Variants in CTNNA2 observed in about 807,000 individuals in gnomAD.
CTNNA2 encodes the protein catenin alpha-2.
A neutral mutation model predicts 101.0 loss-of-function variants in CTNNA2; 42 were observed. The ratio of observed to expected loss-of-function variants is 0.42; its 90% CI spans 0.32 to 0.54. The LOEUF (loss-of-function observed/expected upper bound fraction) is 0.54. Ranked by LOEUF, CTNNA2 falls within the 20% of genes least tolerant of loss-of-function variation. CTNNA2 has a pLI of 0.14. For synonymous variants in CTNNA2, 450 were observed against 456.4 expected (o/e 0.99, Z 0.18); for missense variants, 871 against 1,223.1 (o/e 0.71, Z 4.29).
chr2:79,994,038 G>T (rs1692365023), intron 7 of CTNNA2, among the ~76,000 whole-genome samples: 1 of 152,062 alleles, frequency 6.6e-6, no homozygotes, highest in South Asian at 2.1e-4. Context: ...CTCTGGAGTA[G>T]CTGAGACCAG....
At chr2:79,407,919 G>A (rs1678358106) in intron 4 of CTNNA2, among the ~76,000 whole-genome samples, 1 of 152,046 alleles carries the variant, frequency 6.6e-6, no homozygotes, top group Non-Finnish European at 1.5e-5. Flanking sequence ...GATGTCATTT[G>A]TTATGAATCT....
At chr2:79,970,673 G>A (rs1164537101) in intron 7 of CTNNA2, among the ~76,000 whole-genome samples, 1 of 152,096 alleles carries the variant, frequency 6.6e-6, no homozygotes, top group Non-Finnish European at 1.5e-5. Context: ...ATTCTGTCGG[G>A]TATTAGATAC....
chr2:80,593,079 C>T (rs1252180529), intron 15 of CTNNA2, among the ~76,000 whole-genome samples: 1 of 152,118 alleles, frequency 6.6e-6, no homozygotes, highest in African/African-American at 2.4e-5. Context: ...ACTTGATGCT[C>T]TTTCCAAGGA....
At chr2:80,537,464 G>T (rs1691140518) in intron 9 of CTNNA2, among the ~76,000 whole-genome samples, 2 of 152,130 alleles carry the variant, frequency 1.3e-5, no homozygotes. Context: ...TGAGTCAAAT[G>T]ATATTTCTGG....
At chr2:80,139,282 A>T (rs1001115152) in intron 7 of CTNNA2, among the ~76,000 whole-genome samples, 1 of 152,148 alleles carries the variant, frequency 6.6e-6, no homozygotes, top group Admixed American at 6.6e-5. Context: ...ACCTCTTTGC[A>T]GCAAGGAGCC....
At chr2:79,294,187 AAGAG>A (rs370058263) in intron 2 of CTNNA2, among the ~76,000 whole-genome samples, 11 of 148,252 alleles carry the variant, frequency 7.4e-5, no homozygotes, top group Non-Finnish European at 1.2e-4. Context: ...GAGAGAGAGA[AAGAG>A]AGAGAGAGAG....
chr2:80,227,033 A>G (rs1708926157), intron 7 of CTNNA2, among the ~76,000 whole-genome samples: 1 of 152,222 alleles, frequency 6.6e-6, no homozygotes, highest in Admixed American at 6.5e-5. Context: ...TAGCAAATTC[A>G]TTCGCAGGAT....
chr2:79,732,660 C>T (rs56152505), intron 2 of CTNNA2, among the ~76,000 whole-genome samples: 2 of 151,994 alleles, frequency 1.3e-5, no homozygotes, highest in Non-Finnish European at 2.9e-5. Context: ...AAACAACATT[C>T]TATTTGTTAA....
In CTNNA2 at chr2:80,594,890, G is replaced by A. The variant is rs535069829; in HGVS notation, c.2189+5405G>A. On this transcript the variant is annotated intron_variant, in intron 15 of 18. Coordinates refer to ENST00000402739, the MANE Select transcript of CTNNA2 (RefSeq NM_001282597.3). ...CATTGGTCTCTATGTCTGTCTGTAT[G>A]CCAGTATGACACTATTTTGATTATA... Among the ~76,000 whole-genome samples the A allele has an allele frequency of 9.2e-5, 14 of 152,018 alleles. No homozygotes were observed. In the East Asian group the frequency reaches 2.5e-3, roughly 27 times the overall value.
At chr2:79,906,401 T>G (rs1327124753) in intron 6 of CTNNA2, among the ~76,000 whole-genome samples, 1 of 152,146 alleles carries the variant, frequency 6.6e-6, no homozygotes, top group East Asian at 1.9e-4. Flanking sequence ...GCCTTTTTTC[T>G]TTGTGCCTTT....
chr2:80,164,950 T>TTTTTTTTTTTG (rs1553461433), intron 7 of CTNNA2, among the ~76,000 whole-genome samples: 1 of 148,782 alleles, frequency 6.7e-6, no homozygotes, highest in African/African-American at 2.5e-5. Flanking sequence ...TTTTTTTTTT[T>TTTTTTTTTTTG]TTTTTTTCTA....
At chr2:79,534,426 A>T (rs888484136) in intron 1 of CTNNA2, among the ~76,000 whole-genome samples, 4 of 152,106 alleles carry the variant, frequency 2.6e-5, no homozygotes, top group Non-Finnish European at 4.4e-5. Context: ...GGATAAGTTT[A>T]TATAGCTTCC....
intron 2 of CTNNA2, among the ~76,000 whole-genome samples, chr2:79,661,108 C>T (rs1158261074): frequency 6.6e-6 from 1 of 152,154 alleles, no homozygotes; most frequent in African/African-American, 2.4e-5. Flanking sequence ...TGTGATAAGT[C>T]ACTTCTTTCC....
intron 9 of CTNNA2, among the ~76,000 whole-genome samples, chr2:80,490,926 G>A (rs1470501190): frequency 6.6e-6 from 1 of 152,158 alleles, no homozygotes; most frequent in African/African-American, 2.4e-5. Context: ...AAAGATAGAG[G>A]AGAAAGAATG....
intron 7 of CTNNA2, among the ~76,000 whole-genome samples, chr2:80,213,796 C>T (rs1012429864): frequency 5.3e-5 from 8 of 152,068 alleles, no homozygotes; most frequent in African/African-American, 1.9e-4. Flanking sequence ...GTTGATCTGT[C>T]TAATGTTGAC....
chr2:80,222,879 T>C (rs1016906197), intron 7 of CTNNA2, among the ~76,000 whole-genome samples: 3 of 152,184 alleles, frequency 2.0e-5, no homozygotes, highest in Non-Finnish European at 4.4e-5. Context: ...TAATAAATGT[T>C]AAAGTCCTGA....
At chr2:79,954,674 C>G (rs1472761927) in intron 7 of CTNNA2, among the ~76,000 whole-genome samples, 1 of 152,204 alleles carries the variant, frequency 6.6e-6, no homozygotes, top group East Asian at 1.9e-4. Context: ...TGTGAGTCAA[C>G]TACACTGTGC....
intron 3 of CTNNA2, among the ~76,000 whole-genome samples, chr2:79,366,004 C>T (rs200737551): frequency 6.6e-6 from 1 of 152,122 alleles, no homozygotes. Flanking sequence ...ACTTATGAGG[C>T]GGAAGAGAAA....
chr2:79,390,029 A>T (rs1678155061), intron 4 of CTNNA2, among the ~76,000 whole-genome samples: 1 of 151,992 alleles, frequency 6.6e-6, no homozygotes, highest in Non-Finnish European at 1.5e-5. Context: ...TTCTCTCTCA[A>T]CTCTTGGAAG....
Sources: gnomAD v4.1 joint callset for allele counts (sites outside exome capture counted in the v4.1 genomes callset) on GRCh38, gnomAD v4.1.1 for gene constraint, MANE v1.5 for transcripts, NCBI Gene and HGNC (gene_info 2026-07-23, HGNC 2026-07-21) for gene names.